The following PLA2G4A variants were observed in gnomAD, a reference collection of about 807,000 sequenced individuals.
The protein encoded by PLA2G4A is phospholipase A2 group IVA, also known as cytosolic phospholipase A2.
PLA2G4A carries 40 observed loss-of-function variants against 81.9 expected under a neutral mutation model. That is an observed-to-expected ratio of 0.49 (90% CI 0.38 to 0.64). PLA2G4A has a LOEUF of 0.64. PLA2G4A is among the 30% of genes least tolerant of loss of function. The pLI, the probability that PLA2G4A is intolerant of heterozygous loss-of-function variation, is 0.00. For missense variants in PLA2G4A, 715 were observed against 905.1 expected, an observed-to-expected ratio of 0.79 and a Z score of 2.69; for synonymous variants, 302 against 296.9, an observed-to-expected ratio of 1.02 and a Z score of -0.18.
intron 16 of PLA2G4A, 67 bp downstream of exon 16, chr1:186,977,855 T>G (rs2102296076): frequency 1.0e-6 from 1 of 978,460 alleles, no homozygotes; most frequent in African/African-American, 1.6e-5. Flanking sequence ...GACATTAAAC[T>G]GTTTCACTCT....
rs771100702 is a variant in PLA2G4A, at chr1:186,950,745, C to G, written c.1336+17C>G. On this transcript the variant is annotated intron_variant, in intron 13 of 17. Transcript: ENST00000367466. Reference sequence around the variant, plus strand: ...AACCCAAAGGTGAGTGAGCCGGAAACTTTTCTGGCCCAGATCCATGAGGAA... The same window carrying G: ...AACCCAAAGGTGAGTGAGCCGGAAAGTTTTCTGGCCCAGATCCATGAGGAA... The G allele has an allele frequency of 7.0e-7, 1 of 1,434,054 alleles. No homozygotes were observed. 88.8% of individuals were successfully genotyped at this position (1,434,054 alleles called of 1,614,324 possible).
intron 1 of PLA2G4A, among the ~76,000 whole-genome samples, chr1:186,834,657 G>A (rs942065964): frequency 6.6e-6 from 1 of 151,980 alleles, no homozygotes; most frequent in African/African-American, 2.4e-5. Flanking sequence ...ATAGTACTTT[G>A]TACAGTAGTA....
intron 5 of PLA2G4A, 53 bp from the exon 6 acceptor site, chr1:186,906,912 T>C (rs935777189): frequency 1.9e-5 from 17 of 895,246 alleles, no homozygotes; most frequent in Non-Finnish European, 3.0e-5. Flanking sequence ...GTTTCCATGA[T>C]ATAAACACAT....
intron 5 of PLA2G4A, among the ~76,000 whole-genome samples, chr1:186,899,257 G>C (rs1422633406): frequency 6.6e-6 from 1 of 152,134 alleles, no homozygotes; most frequent in Non-Finnish European, 1.5e-5. Flanking sequence ...AAGCAGAGTT[G>C]GCCTGGCAAG....
rs1165635801 is a variant in PLA2G4A at position 186,939,204 on chromosome 1, T to C, written c.892T>C (p.Leu298=). The C allele has an allele frequency of 6.3e-7, 1 of 1,585,674 alleles. No individual in the cohort carries two copies. Among genetic ancestry groups the C allele is most frequent in the South Asian group, 1.1e-5 (1 of 90,538 alleles). Residue 298 remains leucine, a synonymous_variant, in exon 9 of 18, where the codon TTA becomes CTA. Transcript: ENST00000367466. Reference sequence around the variant, plus strand: ...CACCTTTACTGATATCTTTGGGATGTTAATAGGAGAAACACTAATTCATAA... The same window carrying C: ...CACCTTTACTGATATCTTTGGGATGCTAATAGGAGAAACACTAATTCATAA... ...PVTFTDIFGM[L]IGETLIHNRM...
chr1:186,983,865 C>A (rs1423295207), intron 17 of PLA2G4A, among the ~76,000 whole-genome samples: 1 of 152,000 alleles, frequency 6.6e-6, no homozygotes, highest in African/African-American at 2.4e-5. Context: ...GTTAACCTTT[C>A]TAAATTTTGC....
chr1:186,957,098 G>T (rs1442462892), intron 14 of PLA2G4A, among the ~76,000 whole-genome samples: 1 of 50,150 alleles, frequency 2.0e-5, no homozygotes, highest in African/African-American at 9.8e-5. Flanking sequence ...ATTGCAGTGA[G>T]CCAATATTGC....
intron 14 of PLA2G4A, among the ~76,000 whole-genome samples, chr1:186,961,738 T>A (rs1656953138): frequency 6.6e-6 from 1 of 152,174 alleles, no homozygotes; most frequent in African/African-American, 2.4e-5. Context: ...TAAATTTTTT[T>A]TTAAAAACTG....
chr1:186,830,957 G>T (rs10911927), intron 1 of PLA2G4A, among the ~76,000 whole-genome samples: 3,724 of 82,216 alleles, frequency 0.045, 69 homozygotes, highest in Non-Finnish European at 0.055. Context: ...TTGCTTGCTT[G>T]CTTTCTTTCT....
At chr1:186,964,926 TAC>T (rs1657080976) in intron 14 of PLA2G4A, among the ~76,000 whole-genome samples, 1 of 152,188 alleles carries the variant, frequency 6.6e-6, no homozygotes, top group African/African-American at 2.4e-5. Context: ...CTGGGAACCA[TAC>T]AGAGTCTGCC....
intron 2 of PLA2G4A, among the ~76,000 whole-genome samples, chr1:186,860,420 TG>T (rs1436758979): frequency 2.4e-5 from 1 of 41,646 alleles, no homozygotes; most frequent in Non-Finnish European, 4.6e-5. Context: ...TGCAAGGAGC[TG>T]TCTCGCTCAG....
chr1:186,906,234 G>C (rs186271613), intron 5 of PLA2G4A, among the ~76,000 whole-genome samples: 1 of 152,136 alleles, frequency 6.6e-6, no homozygotes, highest in African/African-American at 2.4e-5. Context: ...TATTGAAAAG[G>C]CCTTTCTGTA....
At chr1:186,911,181 G>A in intron 6 of PLA2G4A, 67 bp from the exon 7 acceptor site, 3 of 1,402,856 alleles carry the variant, frequency 2.1e-6, no homozygotes, top group South Asian at 2.3e-5. Flanking sequence ...ACCTGGAAAA[G>A]CTACCTGGAT....
At chr1:186,944,952 G>C (rs1009539502) in intron 10 of PLA2G4A, among the ~76,000 whole-genome samples, 3 of 152,046 alleles carry the variant, frequency 2.0e-5, no homozygotes, top group African/African-American at 7.2e-5. Context: ...ACAAACAAAT[G>C]AGTAACAAAG....
chr1:186,943,802 C>T (rs2102227664), intron 10 of PLA2G4A, among the ~76,000 whole-genome samples: 1 of 152,110 alleles, frequency 6.6e-6, no homozygotes, highest in South Asian at 2.1e-4. Context: ...CCAATAGTCC[C>T]AAGTTATGGA....
At chr1:186,875,558 T>C (rs909484619) in intron 3 of PLA2G4A, among the ~76,000 whole-genome samples, 1 of 151,700 alleles carries the variant, frequency 6.6e-6, no homozygotes, top group Admixed American at 6.6e-5. Flanking sequence ...AAATGTACTA[T>C]ACACACACAC....
chr1:186,875,257 T>A (rs1653423829), intron 3 of PLA2G4A, among the ~76,000 whole-genome samples: 1 of 152,004 alleles, frequency 6.6e-6, no homozygotes, highest in South Asian at 2.1e-4. Flanking sequence ...AAGACTTTTG[T>A]TTTTTGCTGA....
At chr1:186,956,504 T>TG (rs939967361) in intron 14 of PLA2G4A, among the ~76,000 whole-genome samples, 160 bp downstream of exon 14, 1 of 152,048 alleles carries the variant, frequency 6.6e-6, no homozygotes, top group African/African-American at 2.4e-5. Context: ...GGGTTTTTTT[T>TG]TTGTTGTTGT....
intron 3 of PLA2G4A, among the ~76,000 whole-genome samples, chr1:186,889,691 TG>T (rs200972079): frequency 1.0e-4 from 15 of 144,874 alleles, no homozygotes; most frequent in East Asian, 4.4e-4. Flanking sequence ...TAAATTTTTT[TG>T]GGGGGGAAAC....
Sources: allele counts gnomAD v4.1 joint callset (sites outside exome capture counted in the v4.1 genomes callset), GRCh38; gene constraint gnomAD v4.1.1; transcripts MANE v1.5; gene names NCBI Gene and HGNC (gene_info 2026-07-23, HGNC 2026-07-21).